Variants in MGST1 observed in about 807,000 individuals in gnomAD.
The protein encoded by MGST1 is glutathione S-transferase 12.
Under a neutral mutation model 8.9 loss-of-function variants are expected in MGST1, and 5 were observed. That is an observed-to-expected ratio of 0.56 (90% CI 0.29 to 1.19). The LOEUF (loss-of-function observed/expected upper bound fraction) is 1.19, where lower values mean the gene tolerates loss of function less well. Among genes scored for constraint, MGST1 ranks in the 50% most tolerant of loss-of-function variants. The probability of loss-of-function intolerance (pLI) is 0.08; values close to 1 mark genes in which losing one functional copy is unlikely to be tolerated. For missense variants in MGST1, 182 were observed against 187.4 expected (o/e 0.97, Z 0.17); for synonymous variants, 54 against 67.8 (o/e 0.80, Z 1.00).
At chr12:16,386,224 T>A (rs1454518667) in intron 1 of MGST1, among the ~76,000 whole-genome samples, 1 of 152,196 alleles carries the variant, frequency 6.6e-6, no homozygotes, top group Non-Finnish European at 1.5e-5. Flanking sequence ...GATTTCCCAT[T>A]GCCACTAGAT....
downstream of MGST1, among the ~76,000 whole-genome samples, chr12:16,439,066 T>C (rs562294033): frequency 3.3e-5 from 5 of 151,358 alleles, no homozygotes; most frequent in Non-Finnish European, 7.4e-5. Context: ...GTGAAGAATC[T>C]CCAACTTCTT....
chr12:16,470,979 A>G (rs1288489680), intron 4 of MGST1, among the ~76,000 whole-genome samples: 1 of 152,244 alleles, frequency 6.6e-6, no homozygotes, highest in Non-Finnish European at 1.5e-5. Context: ...TTTAAGTACC[A>G]GCATAAACAT....
chr12:16,349,548 T>C (rs1197162448), intron 1 of MGST1, among the ~76,000 whole-genome samples: 1 of 152,190 alleles, frequency 6.6e-6, no homozygotes, highest in African/African-American at 2.4e-5. Context: ...TCACTACTTT[T>C]CTGGGCCTTA....
Position 16,555,725 on chromosome 12 carries a change from C to G in MGST1, n.483-33803C>G, listed in dbSNP as rs1306070358. On this transcript the variant is annotated intron_variant and non_coding_transcript_variant, in intron 4 of 4. Coordinates refer to the MGST1 transcript ENST00000538857. This position sits in a 1 kb window ranked among gnomAD's most constrained non-coding sequence, Gnocchi z 5.5. ...TCTCTAATCTCTGAACATACTGAGCCGCTTTTCATTTCCTAAACACGTCAA... is the reference window on the plus strand; with the variant it reads ...TCTCTAATCTCTGAACATACTGAGCGGCTTTTCATTTCCTAAACACGTCAA... 6.6e-6 allele frequency among the ~76,000 whole-genome samples: 1 copy of G among 152,140 alleles called. No individual in the cohort carries two copies. Among genetic ancestry groups the G allele is most frequent in the Non-Finnish European group, 1.5e-5 (1 of 68,026 alleles).
At chr12:16,409,528 A>G (rs945202687) in intron 1 of MGST1, among the ~76,000 whole-genome samples, 2 of 152,138 alleles carry the variant, frequency 1.3e-5, no homozygotes, top group Admixed American at 6.6e-5. Context: ...AGGGTGAGAG[A>G]GAGAAAACTT....
Position 16,560,351 on chromosome 12 carries a change from AAATAAATAGCCAGC to A in MGST1, n.483-29175_483-29162del. 1 of 1,526,388 alleles carries A rather than the reference AAATAAATAGCCAGC, an allele frequency of 6.6e-7. No individual in the cohort carries two copies. The allele number at this position is 1,526,388 out of a possible 1,614,324, so 94.6% of individuals were successfully genotyped here. A position where few individuals can be genotyped will look rare whatever the true frequency, so the allele number is the denominator to read the frequency against. On this transcript the variant is annotated intron_variant and non_coding_transcript_variant, in intron 4 of 4. Coordinates refer to the MGST1 transcript ENST00000538857. The surrounding 1 kb of genome is among the most constrained non-coding windows in gnomAD (Gnocchi z 5.0). ...TGTATGAATATAATTTCCACCTATT[AAATAAATAGCCAGC>A]ACAGAGAGGTTAACCATTTCTTAGA...
downstream of MGST1, among the ~76,000 whole-genome samples, chr12:16,439,532 T>TGCCCTA (rs1941020707): frequency 6.6e-6 from 1 of 151,848 alleles, no homozygotes; most frequent in Non-Finnish European, 1.5e-5. Flanking sequence ...CCTAGAGCAT[T>TGCCCTA]GATTGTCAAT....
intron 4 of MGST1, among the ~76,000 whole-genome samples, chr12:16,519,933 G>A (rs1385255949): frequency 6.6e-6 from 1 of 152,164 alleles, no homozygotes; most frequent in African/African-American, 2.4e-5. Flanking sequence ...GCAATTTCAT[G>A]TGGTACAATC....
chr12:16,456,257 CT>C (rs1941171509), intron 4 of MGST1, among the ~76,000 whole-genome samples: 2 of 151,758 alleles, frequency 1.3e-5, no homozygotes, highest in Admixed American at 6.6e-5. Context: ...AAGTCGATAG[CT>C]AATTCTTGTA....
chr12:16,553,105 T>A (rs528462291), intron 4 of MGST1, among the ~76,000 whole-genome samples: 35 of 152,150 alleles, frequency 2.3e-4, no homozygotes, highest in Non-Finnish European at 4.4e-4. Context: ...GCTTACCATG[T>A]GCTAAATGCT....
At chr12:16,371,223 A>G (rs113988899) in intron 3 of MGST1, among the ~76,000 whole-genome samples, 1 of 152,146 alleles carries the variant, frequency 6.6e-6, no homozygotes, top group African/African-American at 2.4e-5. Context: ...GGTTCCCAGA[A>G]TCTTGACTCT....
chr12:16,564,091 G>C (rs1270704966), intron 4 of MGST1, among the ~76,000 whole-genome samples: 1 of 152,132 alleles, frequency 6.6e-6, no homozygotes, highest in African/African-American at 2.4e-5. Flanking sequence ...AGAAATCCCA[G>C]AGATGTTTCT....
At chr12:16,433,501 C>G (rs145208139) in intron 1 of MGST1, among the ~76,000 whole-genome samples, 1 of 152,138 alleles carries the variant, frequency 6.6e-6, no homozygotes, top group Non-Finnish European at 1.5e-5. Flanking sequence ...AGCCTATGTC[C>G]TAATTCAAAG....
downstream of MGST1, among the ~76,000 whole-genome samples, chr12:16,591,902 C>CA (rs1412850304): frequency 2.6e-5 from 4 of 152,026 alleles, no homozygotes; most frequent in Non-Finnish European, 5.9e-5. The surrounding 1 kb of genome is among the most constrained non-coding windows in gnomAD (Gnocchi z 4.1). Flanking sequence ...CTCTCCTGAT[C>CA]ATACCTCTTG....
chr12:16,410,240 T>C lies in MGST1; in HGVS notation n.778+26636T>C, dbSNP rs1348139035. On this transcript the variant is annotated intron_variant and non_coding_transcript_variant, in intron 1 of 1. Coordinates refer to the MGST1 transcript ENST00000359720. The surrounding 1 kb of genome is among the most constrained non-coding windows in gnomAD (Gnocchi z 4.4). ...TTGTCTGCTCTTTGACATTTTAAGA[T>C]GATTTACCATATTTAAAATCTATCA... Among the ~76,000 whole-genome samples the C allele has an allele frequency of 3.3e-5, 5 of 152,196 alleles. No homozygotes were observed. The East Asian group carries it at 7.7e-4, about 23-fold the overall frequency.
chr12:16,505,419 C>T (rs963607535), intron 4 of MGST1, among the ~76,000 whole-genome samples: 2 of 152,132 alleles, frequency 1.3e-5, no homozygotes, highest in Non-Finnish European at 2.9e-5. Flanking sequence ...GGTTCTTAGC[C>T]CTCCCTGTAA....
chr12:16,578,398 T>A (rs1377092562), intron 4 of MGST1, among the ~76,000 whole-genome samples: 1 of 151,848 alleles, frequency 6.6e-6, no homozygotes. Context: ...AGGGGAGGGG[T>A]CAGGTAGAAG....
At chr12:16,399,253 G>A (rs867923421) in intron 1 of MGST1, 5 of 1,595,206 alleles carry the variant, frequency 3.1e-6, no homozygotes, top group Admixed American at 3.4e-5. Flanking sequence ...GAAGAAAGGA[G>A]CTCAGGGCCA....
At chr12:16,520,991 T>C (rs565218855) in intron 4 of MGST1, among the ~76,000 whole-genome samples, 1 of 152,186 alleles carries the variant, frequency 6.6e-6, no homozygotes, top group South Asian at 2.1e-4. Flanking sequence ...TTTTTGCACT[T>C]AATAAGCACA....
Sources: gnomAD v4.1 joint callset for allele counts (sites outside exome capture counted in the v4.1 genomes callset) on GRCh38, gnomAD v4.1.1 for gene constraint, Gnocchi (gnomAD v3.1) non-coding constraint, MANE v1.5 for transcripts, NCBI Gene and HGNC (gene_info 2026-07-23, HGNC 2026-07-21) for gene names.